Variants in TMPRSS3 observed in about 807,000 individuals in gnomAD.
TMPRSS3 encodes the protein transmembrane protease serine 3.
In TMPRSS3, 55 loss-of-function variants were observed where a neutral mutation model predicts 59.6. The observed-to-expected ratio is 0.92, with a 90% CI of 0.74 to 1.16. TMPRSS3 has a LOEUF of 1.16. TMPRSS3 is among the 50% of genes most tolerant of loss of function. The probability of loss-of-function intolerance (pLI) is 0.00; values close to 1 mark genes in which losing one functional copy is unlikely to be tolerated. For synonymous variants in TMPRSS3, 257 were observed against 237.7 expected (o/e 1.08, Z -0.75); for missense variants, 596 against 579.4 (o/e 1.03, Z -0.29).
At chr21:42,391,993 C>T (rs983220702) in intron 2 of TMPRSS3, among the ~76,000 whole-genome samples, 1 of 152,164 alleles carries the variant, frequency 6.6e-6, no homozygotes, top group Non-Finnish European at 1.5e-5. Context: ...ACCTAAATTA[C>T]CTCATCAATC....
chr21:42,383,202 T>A lies in TMPRSS3; in HGVS notation c.617-4A>T, dbSNP rs771575786. 1.9e-6 allele frequency: 3 copies of A among 1,613,956 alleles called. No homozygotes were observed. The highest frequency in any genetic ancestry group is 2.5e-6 in the Non-Finnish European group (3 of 1,179,986). ...TAGCCCCTTCTATGACCACAGGCTATGGAGGGGAACAAAGGCTTGTGGGTC... is the reference window on the plus strand; with the variant it reads ...TAGCCCCTTCTATGACCACAGGCTAAGGAGGGGAACAAAGGCTTGTGGGTC... On this transcript the variant is annotated splice_polypyrimidine_tract_variant and splice_region_variant and intron_variant, in intron 7 of 12. Transcript: ENST00000644384.
Position 42,388,594 on chromosome 21 carries a change from T to C in TMPRSS3, c.323-68A>G. The C allele has an allele frequency of 6.2e-7, 1 of 1,611,164 alleles. No homozygotes were observed. Among genetic ancestry groups the C allele is most frequent in the Non-Finnish European group, 8.5e-7 (1 of 1,178,476 alleles). On this transcript the variant is annotated intron_variant, in intron 4 of 12. Coordinates refer to ENST00000644384, the MANE Select transcript of TMPRSS3 (RefSeq NM_001256317.3). This position sits in a 1 kb window ranked among gnomAD's most constrained non-coding sequence, Gnocchi z 5.1. Reference sequence around the variant, plus strand: ...AACCCTGAGACCATAGGCAGGGGTTTCTCCACAGCCAGCTCAAACCCCTCC... The same window carrying C: ...AACCCTGAGACCATAGGCAGGGGTTCCTCCACAGCCAGCTCAAACCCCTCC...
chr21:42,390,223 C>T (rs2052713330), intron 2 of TMPRSS3, 186 bp from the exon 3 acceptor site: 1 of 629,432 alleles, frequency 1.6e-6, no homozygotes, highest in African/African-American at 1.8e-5. Flanking sequence ...GTCCTACCTG[C>T]TCCACCTCTG....
rs1288381224 is a variant in TMPRSS3 at position 42,389,015 on chromosome 21, C to T, written c.236G>A (p.Cys79Tyr). 1 of 1,614,214 alleles carries T rather than the reference C, an allele frequency of 6.2e-7. No individual in the cohort carries two copies. The highest frequency in any genetic ancestry group is 8.5e-7 in the Non-Finnish European group (1 of 1,180,034). ...CTCGATACACTTAAAGGATGAGCGA[C>T]ATCTGTACTTCCCTGAGCAGTCGAA... The part of the protein sequence containing the change: ...IHFDCSGKYR[C>Y]RSSFKCIELI... The change falls in exon 4 of 13, where the codon TGT becomes TAT. Residue 79 changes from cysteine to tyrosine, a missense_variant. By Grantham distance (194) the Cys-to-Tyr change is radical. Transcript: ENST00000644384.
In TMPRSS3 at chr21:42,372,690, C is replaced by T. The variant is rs146942080; in HGVS notation, c.*72G>A. On this transcript the variant is annotated 3_prime_UTR_variant, in exon 13 of 13. Coordinates refer to ENST00000644384, the MANE Select transcript of TMPRSS3 (RefSeq NM_001256317.3). ...GTCTGCTCGTGTGCAGGTTCCTACA[C>T]GGGAGTCCAGGGGAGGATCGGGCTG... The T allele has an allele frequency of 3.8e-5, 58 of 1,546,178 alleles. No homozygotes were observed. Among genetic ancestry groups the T allele is most frequent in the Non-Finnish European group, 4.7e-5 (53 of 1,118,336 alleles).
chr21:42,376,024 C>A (rs1010690645), intron 11 of TMPRSS3, among the ~76,000 whole-genome samples, 156 bp from the exon 12 acceptor site: 1 of 152,180 alleles, frequency 6.6e-6, no homozygotes, highest in Non-Finnish European at 1.5e-5. Flanking sequence ...AGGGAACCCA[C>A]CAGCCCTTCC....
intron 8 of TMPRSS3, chr21:42,382,700 C>T: frequency 9.0e-6 from 4 of 442,552 alleles, no homozygotes; most frequent in Non-Finnish European, 1.7e-5. Context: ...CTCACCCTGT[C>T]TCTGCCATAA....
At chr21:42,383,772 C>T in intron 7 of TMPRSS3, 198 bp downstream of exon 7, 1 of 720,408 alleles carries the variant, frequency 1.4e-6, no homozygotes, top group South Asian at 1.5e-5. Flanking sequence ...GGCTGTCTCC[C>T]CCACCTGACA....
intron 2 of TMPRSS3, among the ~76,000 whole-genome samples, chr21:42,390,671 T>C (rs1207944136): frequency 6.6e-6 from 1 of 152,124 alleles, no homozygotes; most frequent in Non-Finnish European, 1.5e-5. Flanking sequence ...GAGGTGGCAG[T>C]GAGCTGAGAT....
At chr21:42,375,637 G>A in intron 12 of TMPRSS3, 79 bp downstream of exon 12, 1 of 1,583,820 alleles carries the variant, frequency 6.3e-7, no homozygotes, top group Non-Finnish European at 8.7e-7. Flanking sequence ...GGTTTTTATA[G>A]CAAGACCAGG....
intron 10 of TMPRSS3, among the ~76,000 whole-genome samples, chr21:42,377,816 A>G (rs1017399537): frequency 2.6e-5 from 4 of 152,250 alleles, no homozygotes; most frequent in African/African-American, 9.6e-5. Flanking sequence ...TCAATGCATT[A>G]TGGGAGAAGA....
intron 12 of TMPRSS3, 80 bp downstream of exon 12, chr21:42,375,636 A>G (rs2052411534): frequency 6.3e-7 from 1 of 1,588,920 alleles, no homozygotes; most frequent in African/African-American, 1.3e-5. Context: ...TGGTTTTTAT[A>G]GCAAGACCAG....
intron 5 of TMPRSS3, among the ~76,000 whole-genome samples, chr21:42,387,841 A>G (rs1450389166): frequency 6.6e-6 from 1 of 152,196 alleles, no homozygotes; most frequent in African/African-American, 2.4e-5. Context: ...AAACTGTGTC[A>G]CTCCAATGCA....
At chr21:42,392,470 G>A (rs886198301) in intron 2 of TMPRSS3, among the ~76,000 whole-genome samples, 1 of 152,176 alleles carries the variant, frequency 6.6e-6, no homozygotes, top group Non-Finnish European at 1.5e-5. Context: ...TGTGTTTTAG[G>A]CCTGGACAAG....
At position 42,388,402 on chromosome 21, in the gene TMPRSS3, C is replaced by A. The variant is rs1418692998; in HGVS notation, c.446+1G>T. 5.6e-6 allele frequency: 9 copies of A among 1,614,138 alleles called. No homozygotes were observed. Among genetic ancestry groups the A allele is most frequent in the Admixed American group, 1.7e-5 (1 of 60,002 alleles). On this transcript the variant is annotated splice_donor_variant, in intron 5 of 12. Transcript: ENST00000644384. LOFTEE classifies it high-confidence loss of function. The surrounding 1 kb of genome is among the most constrained non-coding windows in gnomAD (Gnocchi z 5.1). ...TGGGTTGGAAATGCTCTTTAACTTACCTTGGGAAACCCAGTTGGGCACAGG... is the reference window on the plus strand; with the variant it reads ...TGGGTTGGAAATGCTCTTTAACTTAACTTGGGAAACCCAGTTGGGCACAGG...
chr21:42,371,979 A>C lies in TMPRSS3; in HGVS notation c.*783T>G. ...AAGAAATCATGAAAATAGGCCTTAA[A>C]CGAGTCATTCCTAGATTAACCTCCC... On this transcript the variant is annotated 3_prime_UTR_variant, in exon 13 of 13. Coordinates refer to ENST00000644384, the MANE Select transcript of TMPRSS3 (RefSeq NM_001256317.3). 4.4e-6 allele frequency: 2 copies of C among 454,602 alleles called. No individual in the cohort carries two copies. The highest frequency in any genetic ancestry group is 8.8e-6 in the Non-Finnish European group (2 of 226,796). The allele number at this position is 454,602 out of a possible 1,614,324, so 28.2% of individuals were successfully genotyped here.
At position 42,388,870 on chromosome 21, in the gene TMPRSS3, G is replaced by T; in HGVS notation, c.322+59C>A. ...TGGACCCATTTTACAGATGGGAAGG[G>T]TCAGGGTTGGCTTCTGCTGCTTCCT... On this transcript the variant is annotated intron_variant, in intron 4 of 12. Coordinates refer to ENST00000644384, the MANE Select transcript of TMPRSS3 (RefSeq NM_001256317.3). This position sits in a 1 kb window ranked among gnomAD's most constrained non-coding sequence, Gnocchi z 5.1. The T allele has an allele frequency of 5.6e-6, 8 of 1,432,168 alleles. No individual in the cohort carries two copies. The highest frequency in any genetic ancestry group is 7.9e-6 in the Non-Finnish European group (8 of 1,015,206). The allele number at this position is 1,432,168 out of a possible 1,614,324, so 88.7% of individuals were successfully genotyped here.
chr21:42,395,191 A>G, intron 2 of TMPRSS3, 133 bp downstream of exon 2: 1 of 764,600 alleles, frequency 1.3e-6, no homozygotes, highest in Admixed American at 2.0e-5. Flanking sequence ...AGATCTAGGG[A>G]AGTGCAGGTG....
intron 11 of TMPRSS3, among the ~76,000 whole-genome samples, chr21:42,376,216 C>T (rs1399763686): frequency 6.6e-6 from 1 of 152,172 alleles, no homozygotes; most frequent in African/African-American, 2.4e-5. Flanking sequence ...ACTGGAGTCC[C>T]AGCCACTGCA....
Sources: gnomAD v4.1 joint callset for allele counts (sites outside exome capture counted in the v4.1 genomes callset) on GRCh38, gnomAD v4.1.1 for gene constraint, Gnocchi (gnomAD v3.1) non-coding constraint, MANE v1.5 for transcripts, NCBI Gene and HGNC (gene_info 2026-07-23, HGNC 2026-07-21) for gene names.